WDR19: variants seen among roughly 807,000 people sequenced by gnomAD.
WDR19 encodes the protein WD repeat domain 19, also known as WD repeat-containing protein 19.
WDR19 carries 121 observed loss-of-function variants against 180.0 expected under a neutral mutation model. That is an observed-to-expected ratio of 0.67 (90% CI 0.58 to 0.78). The LOEUF is 0.78. Among genes scored for constraint, WDR19 ranks in the 30% least tolerant of loss-of-function variants. The probability of loss-of-function intolerance (pLI) is 0.00; values close to 1 mark genes in which losing one functional copy is unlikely to be tolerated. For synonymous variants in WDR19, 497 were observed against 540.7 expected, an observed-to-expected ratio of 0.92 and a Z score of 1.12; for missense variants, 1,450 against 1,640.7, an observed-to-expected ratio of 0.88 and a Z score of 2.01.
At chr4:39,253,813 A>T (rs894449397) in intron 25 of WDR19, 93 bp from the exon 26 acceptor site, 3 of 1,144,442 alleles carry the variant, frequency 2.6e-6, no homozygotes, top group East Asian at 2.6e-5. Flanking sequence ...TTATCTAAAA[A>T]TTTTGATTTT....
intron 5 of WDR19, among the ~76,000 whole-genome samples, chr4:39,196,653 C>G (rs912550009): frequency 8.5e-5 from 13 of 152,192 alleles, no homozygotes; most frequent in Admixed American, 2.6e-4. Flanking sequence ...CAACTCTTGC[C>G]CCACTCTAGA....
chr4:39,281,760 T>C (rs1379073918), intron 36 of WDR19, among the ~76,000 whole-genome samples: 1 of 152,226 alleles, frequency 6.6e-6, no homozygotes, highest in East Asian at 1.9e-4. Context: ...ATGGCTTAGC[T>C]GGGTCTTCTC....
chr4:39,281,236 T>TATATATATAGAGAG (rs762298152), intron 36 of WDR19, among the ~76,000 whole-genome samples: 17 of 104,028 alleles, frequency 1.6e-4, no homozygotes, highest in African/African-American at 6.2e-4. Context: ...TATATATATA[T>TATATATATAGAGAG]AGAGAGAGAG....
At position 39,194,652 on chromosome 4, in the gene WDR19, T is replaced by C. The variant is rs1472314471; in HGVS notation, c.399T>C (p.Pro133=). 2 of 1,605,494 alleles carry C rather than the reference T, an allele frequency of 1.2e-6. No homozygotes were observed. The highest frequency in any genetic ancestry group is 1.7e-5 in the Admixed American group (1 of 59,618). ...IYNHQTSRKI[P]VLGKHTKRIT... ...ATCATCAGACATCTCGAAAGATTCCTGTCCTTGGTAGGTGATAGCTGGAAA... is the reference window on the plus strand; with the variant it reads ...ATCATCAGACATCTCGAAAGATTCCCGTCCTTGGTAGGTGATAGCTGGAAA... Residue 133 remains proline (P), a synonymous_variant, in exon 5 of 37, where the codon CCT becomes CCC. Transcript: ENST00000399820.
At chr4:39,272,342 G>A (rs994242518) in intron 31 of WDR19, among the ~76,000 whole-genome samples, 1 of 152,144 alleles carries the variant, frequency 6.6e-6, no homozygotes, top group African/African-American at 2.4e-5. Flanking sequence ...CTGGCCCCAA[G>A]GGTTGGCATC....
intron 9 of WDR19, among the ~76,000 whole-genome samples, chr4:39,208,572 G>A (rs1363373061): frequency 6.6e-6 from 1 of 152,036 alleles, no homozygotes. Context: ...CAAAATGGTG[G>A]GATTACAGGT....
At chr4:39,210,035 T>C (rs962626857) in intron 9 of WDR19, among the ~76,000 whole-genome samples, 3 of 152,154 alleles carry the variant, frequency 2.0e-5, no homozygotes, top group African/African-American at 7.2e-5. Context: ...GTGATTTAAA[T>C]GCTCCCAAAA....
intron 5 of WDR19, among the ~76,000 whole-genome samples, chr4:39,198,601 C>T (rs1056462539): frequency 4.6e-5 from 7 of 152,008 alleles, no homozygotes; most frequent in African/African-American, 1.4e-4. Flanking sequence ...CACGGTGACT[C>T]GCGCCTGTAA....
In WDR19 at chr4:39,285,605, G is replaced by A. The variant is rs750544919; in HGVS notation, c.*132G>A. 4 of 152,154 alleles carry A rather than the reference G, an allele frequency of 2.6e-5. No homozygotes were observed. The highest frequency in any genetic ancestry group is 4.8e-5 in the African/African-American group (2 of 41,424). The allele number at this position is 152,154 out of a possible 1,614,324, so 9.4% of individuals were successfully genotyped here. On this transcript the variant is annotated 3_prime_UTR_variant, in exon 37 of 37. Coordinates refer to ENST00000399820, the MANE Select transcript of WDR19 (RefSeq NM_025132.4). ...GAAACAACGGTGACCTCTCCAGGTCGGCACTTTCCACTTCTGTACGGTGGC... is the reference window on the plus strand; with the variant it reads ...GAAACAACGGTGACCTCTCCAGGTCAGCACTTTCCACTTCTGTACGGTGGC...
At chr4:39,274,670 C>T in intron 32 of WDR19, 138 bp from the exon 33 acceptor site, 5 of 1,000,476 alleles carry the variant, frequency 5.0e-6, no homozygotes, top group Non-Finnish European at 4.4e-6. Flanking sequence ...TTAAACAGAT[C>T]ATATCTGGTT....
At chr4:39,268,664 A>T (rs1307160563) in intron 30 of WDR19, among the ~76,000 whole-genome samples, 1 of 152,190 alleles carries the variant, frequency 6.6e-6, no homozygotes, top group East Asian at 1.9e-4. Context: ...ATTTTGGAAA[A>T]TATGCAGTCA....
intron 23 of WDR19, among the ~76,000 whole-genome samples, chr4:39,244,938 C>CTTTTT (rs72240523): frequency 8.7e-6 from 1 of 115,316 alleles, no homozygotes; most frequent in Non-Finnish European, 1.8e-5. Context: ...TTTTTTTTTT[C>CTTTTT]TTTTTTTTTT....
intron 33 of WDR19, among the ~76,000 whole-genome samples, chr4:39,276,724 G>A (rs1245378294): frequency 2.6e-5 from 4 of 152,174 alleles, no homozygotes; most frequent in Non-Finnish European, 5.9e-5. Flanking sequence ...CAGTAGCACA[G>A]GAAGAGAGAA....
At chr4:39,285,146 G>T (rs2062229) in intron 36 of WDR19, among the ~76,000 whole-genome samples, 77,683 of 151,680 alleles carry the variant, frequency 0.51, 21,511 homozygotes, top group African/African-American at 0.74. Context: ...GTTCACTGGC[G>T]TTTAGACAAA....
intron 9 of WDR19, 55 bp from the exon 10 acceptor site, chr4:39,214,546 A>C (rs1222850440): frequency 8.4e-6 from 9 of 1,068,780 alleles, no homozygotes; most frequent in Non-Finnish European, 1.2e-5. Context: ...GTGAATTAAA[A>C]CAGTTTTATA....
chr4:39,277,388 C>G (rs767635978), intron 34 of WDR19, among the ~76,000 whole-genome samples: 1 of 152,212 alleles, frequency 6.6e-6, no homozygotes, highest in Non-Finnish European at 1.5e-5. Flanking sequence ...CTATCCCGGG[C>G]TCAGTCCTCT....
chr4:39,240,235 A>G (rs1731787801), intron 20 of WDR19, 42 bp from the exon 21 acceptor site: 1 of 998,700 alleles, frequency 1.0e-6, no homozygotes, highest in Non-Finnish European at 1.3e-6. Context: ...ATTCTAAAAT[A>G]TATATTAAAA....
chr4:39,270,400 G>A (rs1297833676), intron 31 of WDR19, among the ~76,000 whole-genome samples: 4 of 152,076 alleles, frequency 2.6e-5, no homozygotes, highest in Non-Finnish European at 4.4e-5. Context: ...TTTTTGAGAC[G>A]ACGTCTTGCT....
intron 36 of WDR19, among the ~76,000 whole-genome samples, chr4:39,282,694 G>A (rs1334111121): frequency 2.6e-5 from 4 of 152,072 alleles, no homozygotes; most frequent in Non-Finnish European, 4.4e-5. Context: ...CACCGTGCCC[G>A]GCCTATTTTG....
Sources: allele counts gnomAD v4.1 joint callset (sites outside exome capture counted in the v4.1 genomes callset), GRCh38; gene constraint gnomAD v4.1.1; transcripts MANE v1.5; gene names NCBI Gene and HGNC (gene_info 2026-07-23, HGNC 2026-07-21).